The following CACNB2 variants were observed in gnomAD, a reference collection of about 807,000 sequenced individuals.
CACNB2 encodes voltage-dependent L-type calcium channel subunit beta-2.
Under a neutral mutation model 73.3 loss-of-function variants are expected in CACNB2, and 42 were observed. The ratio of observed to expected loss-of-function variants is 0.57; its 90% confidence interval spans 0.45 to 0.74. The LOEUF is 0.74. Ranked by LOEUF, CACNB2 falls within the 30% of genes least tolerant of loss-of-function variation. CACNB2 has a pLI of 0.00. For synonymous variants in CACNB2, 348 were observed against 310.3 expected (o/e 1.12, Z -1.28); for missense variants, 940 against 853.0 (o/e 1.10, Z -1.27).
At chr10:18,360,449 C>T (rs2042097492) in intron 2 of CACNB2, among the ~76,000 whole-genome samples, 1 of 152,104 alleles carries the variant, frequency 6.6e-6, no homozygotes, top group Admixed American at 6.5e-5. Flanking sequence ...GATCTTAAAT[C>T]CTGGCTTCAA....
chr10:18,334,639 G>A (rs2040931976), intron 2 of CACNB2, among the ~76,000 whole-genome samples: 1 of 152,084 alleles, frequency 6.6e-6, no homozygotes, highest in Non-Finnish European at 1.5e-5. Flanking sequence ...ATTGTAGGAT[G>A]CTGAGCAGGA....
intron 2 of CACNB2, among the ~76,000 whole-genome samples, chr10:18,159,272 A>G (rs1364087564): frequency 2.0e-5 from 3 of 152,036 alleles, no homozygotes; most frequent in African/African-American, 7.2e-5. Flanking sequence ...TATAGCCCGG[A>G]CTCGCGAACT....
intron 2 of CACNB2, among the ~76,000 whole-genome samples, chr10:18,171,530 A>G (rs1431469468): frequency 7.4e-6 from 1 of 134,974 alleles, no homozygotes; most frequent in African/African-American, 3.4e-5. Flanking sequence ...AGAAAAAAAA[A>G]AAAAAAAAAA....
At chr10:18,417,932 A>G (rs905908255) in intron 3 of CACNB2, among the ~76,000 whole-genome samples, 7 of 151,980 alleles carry the variant, frequency 4.6e-5, no homozygotes, top group African/African-American at 1.7e-4. Flanking sequence ...GAAAAAAACG[A>G]AAGGAACAAA....
At chr10:18,387,390 G>T (rs148269734) in intron 2 of CACNB2, among the ~76,000 whole-genome samples, 4 of 152,070 alleles carry the variant, frequency 2.6e-5, no homozygotes, top group Non-Finnish European at 5.9e-5. Flanking sequence ...TCCCTCACTC[G>T]ACTGGGAACC....
At chr10:18,320,369 T>A (rs759937076) in intron 2 of CACNB2, among the ~76,000 whole-genome samples, 1 of 152,216 alleles carries the variant, frequency 6.6e-6, no homozygotes, top group African/African-American at 2.4e-5. Flanking sequence ...GTCTATGACA[T>A]AGTTAAGTAC....
intron 2 of CACNB2, among the ~76,000 whole-genome samples, chr10:18,347,453 A>C (rs1030461925): frequency 6.6e-6 from 1 of 150,510 alleles, no homozygotes; most frequent in African/African-American, 2.4e-5. Context: ...GGCCTCTCAA[A>C]GTGCTGGGAT....
intron 2 of CACNB2, among the ~76,000 whole-genome samples, chr10:18,218,108 A>G (rs1247533372): frequency 2.0e-5 from 3 of 152,200 alleles, no homozygotes; most frequent in Non-Finnish European, 4.4e-5. Context: ...TGTTGTGATC[A>G]CAAAGGCCTG....
chr10:18,526,900 G>A (rs2052524273), intron 9 of CACNB2, among the ~76,000 whole-genome samples: 1 of 152,172 alleles, frequency 6.6e-6, no homozygotes, highest in South Asian at 2.1e-4. Flanking sequence ...TCAAATCCCA[G>A]CTCTCCCACT....
intron 3 of CACNB2, among the ~76,000 whole-genome samples, chr10:18,491,353 G>A (rs527423456): frequency 6.6e-6 from 1 of 152,302 alleles, no homozygotes; most frequent in East Asian, 1.9e-4. Flanking sequence ...GGAGGCCAAG[G>A]CGGGAGGATC....
intron 2 of CACNB2, among the ~76,000 whole-genome samples, chr10:18,280,394 C>G (rs756916984): frequency 4.6e-5 from 7 of 152,104 alleles, no homozygotes; most frequent in Non-Finnish European, 8.8e-5. Flanking sequence ...GGCACTGTGT[C>G]CAAGGATGCC....
chr10:18,304,818 A>G (rs1246523785), intron 2 of CACNB2, among the ~76,000 whole-genome samples: 1 of 152,114 alleles, frequency 6.6e-6, no homozygotes, highest in African/African-American at 2.4e-5. Flanking sequence ...GCATGAAGAA[A>G]TCTCTCTCTC....
At chr10:18,460,762 C>T (rs1385823627) in intron 3 of CACNB2, among the ~76,000 whole-genome samples, 5 of 151,784 alleles carry the variant, frequency 3.3e-5, no homozygotes, top group Non-Finnish European at 5.9e-5. Flanking sequence ...TGGTAGGGCA[C>T]ACCTGTGGCC....
At chr10:18,509,546 C>T (rs954839858) in intron 6 of CACNB2, among the ~76,000 whole-genome samples, 8 of 152,250 alleles carry the variant, frequency 5.3e-5, no homozygotes, top group African/African-American at 1.9e-4. Flanking sequence ...CGCCTGTAAT[C>T]CCAGCACTTT....
intron 3 of CACNB2, among the ~76,000 whole-genome samples, chr10:18,481,800 A>G (rs947702863): frequency 2.6e-5 from 4 of 152,208 alleles, no homozygotes; most frequent in Non-Finnish European, 4.4e-5. Context: ...TGTTGATTAA[A>G]TAAGCTATAT....
intron 3 of CACNB2, among the ~76,000 whole-genome samples, chr10:18,466,971 T>A (rs2047923131): frequency 6.6e-6 from 1 of 152,184 alleles, no homozygotes; most frequent in East Asian, 1.9e-4. Flanking sequence ...CTGGCCAACA[T>A]GGTGAAATCC....
At chr10:18,402,405 A>AAC in intron 3 of CACNB2, among the ~76,000 whole-genome samples, 1 of 151,372 alleles carries the variant, frequency 6.6e-6, no homozygotes, top group African/African-American at 2.4e-5. Flanking sequence ...AAAAAAAAAA[A>AAC]CAGACTGACT....
At chr10:18,402,657 A>G (rs768012673) in intron 3 of CACNB2, among the ~76,000 whole-genome samples, 3 of 152,234 alleles carry the variant, frequency 2.0e-5, no homozygotes, top group Admixed American at 6.5e-5. Flanking sequence ...ATAGATAGTT[A>G]CAGGATTCAT....
intron 3 of CACNB2, among the ~76,000 whole-genome samples, chr10:18,445,737 G>A (rs1476548612): frequency 1.3e-5 from 2 of 152,186 alleles, no homozygotes; most frequent in Non-Finnish European, 2.9e-5. Context: ...AAGCCCTGTA[G>A]AAGTGGTGGG....
Sources: allele counts gnomAD v4.1 joint callset (sites outside exome capture counted in the v4.1 genomes callset), GRCh38; gene constraint gnomAD v4.1.1; transcripts MANE v1.5; gene names NCBI Gene and HGNC (gene_info 2026-07-23, HGNC 2026-07-21).